DPP4: variants seen among roughly 807,000 people sequenced by gnomAD.
DPP4 encodes dipeptidyl peptidase 4.
In DPP4, 93 loss-of-function variants were observed where a neutral mutation model predicts 122.4. The ratio of observed to expected loss-of-function variants is 0.76; its 90% CI spans 0.64 to 0.90. DPP4 has a LOEUF of 0.90. Ranked by LOEUF, DPP4 falls within the 40% of genes least tolerant of loss-of-function variation. The pLI, the probability that DPP4 is intolerant of heterozygous loss-of-function variation, is 0.00. For synonymous variants in DPP4, 321 were observed against 302.9 expected (o/e 1.06, Z -0.62); for missense variants, 914 against 907.3 (o/e 1.01, Z -0.09).
At chr2:162,025,535 C>A (rs1482996722) in intron 10 of DPP4, among the ~76,000 whole-genome samples, 1 of 152,044 alleles carries the variant, frequency 6.6e-6, no homozygotes, top group Admixed American at 6.6e-5. Flanking sequence ...ATGAAAAAAC[C>A]CTGTGGTATT....
chr2:162,021,187 T>C (rs1391190587), intron 12 of DPP4, among the ~76,000 whole-genome samples: 2 of 152,232 alleles, frequency 1.3e-5, no homozygotes, highest in African/African-American at 2.4e-5. Flanking sequence ...TCAGACTTAG[T>C]ATTTAACCAT....
chr2:162,071,310 G>A (rs1220642877), intron 2 of DPP4, among the ~76,000 whole-genome samples: 1 of 152,164 alleles, frequency 6.6e-6, no homozygotes, highest in East Asian at 1.9e-4. Flanking sequence ...AGAAACTGAT[G>A]TTAACTATTC....
At chr2:162,073,216 G>T (rs1685179031) in intron 2 of DPP4, 183 bp downstream of exon 2, 1 of 563,276 alleles carries the variant, frequency 1.8e-6, no homozygotes, top group African/African-American at 1.8e-5. Flanking sequence ...AAACACTGAA[G>T]ACCCCGCGAA....
intron 10 of DPP4, among the ~76,000 whole-genome samples, chr2:162,025,587 A>T (rs1683296557): frequency 6.6e-6 from 1 of 152,180 alleles, no homozygotes; most frequent in Non-Finnish European, 1.5e-5. Context: ...CTAGTAGTGC[A>T]TCCTCCCCAA....
chr2:162,029,384 G>A (rs920888241), intron 10 of DPP4, among the ~76,000 whole-genome samples: 1 of 152,236 alleles, frequency 6.6e-6, no homozygotes, highest in Non-Finnish European at 1.5e-5. Flanking sequence ...CGGGCATACT[G>A]CCAGTGCTGG....
Position 162,047,008 on chromosome 2 carries a change from T to G in DPP4, c.194-2A>C, listed in dbSNP as rs1376448889. The G allele has an allele frequency of 6.6e-7, 1 of 1,517,502 alleles. No individual in the cohort carries two copies. The allele number at this position is 1,517,502 out of a possible 1,614,324, so 94.0% of individuals were successfully genotyped here. ...CTTGTTTGTAGAGATATTCATGATC[T>G]AAAGAGAGAAAACACCCAGATCAAA... On this transcript the variant is annotated splice_acceptor_variant, in intron 3 of 25. Coordinates refer to ENST00000360534, the MANE Select transcript of DPP4 (RefSeq NM_001935.4). LOFTEE classifies it high-confidence loss of function.
intron 5 of DPP4, among the ~76,000 whole-genome samples, chr2:162,041,721 C>T (rs1036595182): frequency 2.6e-5 from 4 of 152,114 alleles, no homozygotes; most frequent in African/African-American, 9.7e-5. Context: ...TGACAAACCA[C>T]CATGGGTTGT....
chr2:162,056,085 T>C (rs1273108500), intron 2 of DPP4, among the ~76,000 whole-genome samples: 2 of 152,210 alleles, frequency 1.3e-5, no homozygotes, highest in Non-Finnish European at 2.9e-5. Flanking sequence ...ATTTAAATGC[T>C]GCATTCCTTC....
At chr2:162,017,754 T>C (rs751412214) in intron 16 of DPP4, among the ~76,000 whole-genome samples, 3 of 152,336 alleles carry the variant, frequency 2.0e-5, no homozygotes, top group East Asian at 3.9e-4. Context: ...AGGTAATGTA[T>C]AGAAAAGCTA....
chr2:162,011,803 C>T lies in DPP4; in HGVS notation c.1822G>A (p.Glu608Lys). The T allele has an allele frequency of 6.2e-7, 1 of 1,613,384 alleles. No individual in the cohort carries two copies. Among genetic ancestry groups the T allele is most frequent in the Non-Finnish European group, 8.5e-7 (1 of 1,179,540 alleles). ...LGTFEVEDQI[E>K]AARQFSKMGF... is the part of the protein sequence containing the mutation. ...CTCCTAGTCACTCACCTGGCTGCTTCAATTTGATCTTCAACTTCAAATGTT... is the reference window on the plus strand; with the variant it reads ...CTCCTAGTCACTCACCTGGCTGCTTTAATTTGATCTTCAACTTCAAATGTT... Residue 608 changes from glutamate (E) to lysine (K), a missense_variant, in exon 20 of 26, where the codon GAA becomes AAA. Glu to Lys is a moderately conservative substitution (Grantham distance 56). Transcript: ENST00000360534.
chr2:162,038,383 G>T lies in DPP4; in HGVS notation c.532C>A (p.Pro178Thr). 1 of 1,607,104 alleles carries T rather than the reference G, an allele frequency of 6.2e-7. No homozygotes were observed. The highest frequency in any genetic ancestry group is 8.5e-7 in the Non-Finnish European group (1 of 1,176,594). ...WNNDIYVKIE[P>T]NLPSYRITWT... Reference sequence around the variant, plus strand: ...GTGATTCTGTAACTTGGTAAATTTGGTTCAATTTTAACATAAATGTCATTG... The same window carrying T: ...GTGATTCTGTAACTTGGTAAATTTGTTTCAATTTTAACATAAATGTCATTG... The change falls in exon 8 of 26, where the codon CCA becomes ACA. Residue 178 changes from proline (P) to threonine (T), a missense_variant. Pro to Thr is a conservative substitution (Grantham distance 38, BLOSUM62 -1). Transcript: ENST00000360534.
intron 2 of DPP4, among the ~76,000 whole-genome samples, chr2:162,053,551 G>A (rs1684459799): frequency 1.3e-5 from 2 of 152,294 alleles, no homozygotes; most frequent in South Asian, 4.1e-4. Flanking sequence ...GCTTGGCCTA[G>A]GGGAAAGGAC....
intron 4 of DPP4, among the ~76,000 whole-genome samples, chr2:162,045,927 G>T (rs773217685): frequency 6.6e-6 from 1 of 152,198 alleles, no homozygotes; most frequent in Non-Finnish European, 1.5e-5. Context: ...GGACGTGGAT[G>T]TTTAGAGACT....
chr2:162,025,066 G>A, intron 10 of DPP4, 127 bp from the exon 11 acceptor site: 2 of 1,024,380 alleles, frequency 2.0e-6, no homozygotes, highest in African/African-American at 1.6e-5. Context: ...AATTATAAAT[G>A]GTTAATGAAA....
chr2:162,024,768 T>C, intron 11 of DPP4, 36 bp downstream of exon 11: 1 of 1,606,818 alleles, frequency 6.2e-7, no homozygotes, highest in Middle Eastern at 1.7e-4. Context: ...TGATCACATG[T>C]TGCTCTAGAA....
chr2:162,007,145 T>C (rs1176907614), intron 22 of DPP4, among the ~76,000 whole-genome samples: 3 of 152,040 alleles, frequency 2.0e-5, no homozygotes, highest in Non-Finnish European at 4.4e-5. Context: ...GACACTAATA[T>C]AAAAATAGAA....
At chr2:162,040,600 T>C (rs570905923) in intron 5 of DPP4, among the ~76,000 whole-genome samples, 1 of 152,064 alleles carries the variant, frequency 6.6e-6, no homozygotes, top group East Asian at 1.9e-4. Flanking sequence ...TTTAGCACAG[T>C]CAAAGTCATC....
Position 162,008,546 on chromosome 2 carries a change from G to A in DPP4, c.1987+16C>T, listed in dbSNP as rs747990126. On this transcript the variant is annotated intron_variant, in intron 22 of 25. Transcript: ENST00000360534. Reference sequence around the variant, plus strand: ...CAACACTCCGTATCTCTTTGTACCTGGCAGCAATTACATACCATAGTACTC... The same window carrying A: ...CAACACTCCGTATCTCTTTGTACCTAGCAGCAATTACATACCATAGTACTC... 22 of 1,605,644 alleles carry A rather than the reference G, an allele frequency of 1.4e-5. No homozygotes were observed. The highest frequency in any genetic ancestry group is 1.9e-5 in the Non-Finnish European group (22 of 1,172,792).
intron 2 of DPP4, among the ~76,000 whole-genome samples, chr2:162,059,234 T>C (rs892098378): frequency 2.0e-5 from 3 of 151,944 alleles, no homozygotes; most frequent in African/African-American, 7.3e-5. Context: ...GCTTTATCCC[T>C]TTCTGAAATG....
Sources: gnomAD v4.1 joint callset for allele counts (sites outside exome capture counted in the v4.1 genomes callset) on GRCh38, gnomAD v4.1.1 for gene constraint, MANE v1.5 for transcripts, NCBI Gene and HGNC (gene_info 2026-07-23, HGNC 2026-07-21) for gene names.